Variants in SLC45A3 observed in about 807,000 individuals in gnomAD.
The protein encoded by SLC45A3 is solute carrier family 45 member 3.
Under a neutral mutation model 35.3 loss-of-function variants are expected in SLC45A3, and 17 were observed. That is an observed-to-expected ratio of 0.48 (90% CI 0.33 to 0.72). The LOEUF (loss-of-function observed/expected upper bound fraction) is 0.72, where lower values mean the gene tolerates loss of function less well. Among genes scored for constraint, SLC45A3 ranks in the 30% least tolerant of loss-of-function variants. The pLI is 0.02. For synonymous variants in SLC45A3, 288 were observed against 334.3 expected (o/e 0.86, Z 1.51); for missense variants, 597 against 731.7 (o/e 0.82, Z 2.12).
At chr1:205,679,059 C>T (rs1454240428) in intron 1 of SLC45A3, among the ~76,000 whole-genome samples, 1 of 152,136 alleles carries the variant, frequency 6.6e-6, no homozygotes, top group African/African-American at 2.4e-5. Flanking sequence ...AAAGGTAGTC[C>T]GAAGCCCCTA....
chr1:205,676,304 T>A (rs1345302318), intron 1 of SLC45A3, among the ~76,000 whole-genome samples: 1 of 152,116 alleles, frequency 6.6e-6, no homozygotes, highest in Non-Finnish European at 1.5e-5. Flanking sequence ...GGCTGGCTGC[T>A]CCTGAGGGTA....
intron 1 of SLC45A3, among the ~76,000 whole-genome samples, chr1:205,674,999 A>G (rs1018765927): frequency 1.3e-5 from 2 of 152,236 alleles, no homozygotes; most frequent in Admixed American, 6.5e-5. Flanking sequence ...TACAGGCGTG[A>G]GCCACCGCGC....
At chr1:205,676,569 T>C (rs1404230083) in intron 1 of SLC45A3, among the ~76,000 whole-genome samples, 1 of 152,180 alleles carries the variant, frequency 6.6e-6, no homozygotes, top group Non-Finnish European at 1.5e-5. Context: ...ATCTCCATTT[T>C]ACAGGCAATG....
chr1:205,665,609 C>A (rs957004018), intron 1 of SLC45A3, among the ~76,000 whole-genome samples: 1 of 152,146 alleles, frequency 6.6e-6, no homozygotes, highest in Non-Finnish European at 1.5e-5. Context: ...GGCATGAAAC[C>A]ACACCACCTG....
chr1:205,666,764 C>G lies in SLC45A3; in HGVS notation c.-230-1878G>C, dbSNP rs1341873435. 1.3e-5 allele frequency among the ~76,000 whole-genome samples: 2 copies of G among 152,248 alleles called. No homozygotes were observed. The highest frequency in any genetic ancestry group is 4.8e-5 in the African/African-American group (2 of 41,466). ...GGAAGGTGGAAGGCCAGACCTCAGT[C>G]TTAGCTGAGCTGTCATAGGTTCAAC... On this transcript the variant is annotated intron_variant, in intron 1 of 4. Transcript: ENST00000367145. This position sits in a 1 kb window ranked among gnomAD's most constrained non-coding sequence, Gnocchi z 4.1.
Position 205,659,046 on chromosome 1 carries a change from G to T in SLC45A3, c.*188C>A. The T allele has an allele frequency of 1.6e-6, 1 of 625,344 alleles. No homozygotes were observed. The highest frequency in any genetic ancestry group is 2.8e-6 in the Non-Finnish European group (1 of 363,464). The allele number at this position is 625,344 out of a possible 1,614,324, so 38.7% of individuals were successfully genotyped here. A position where few individuals can be genotyped will look rare whatever the true frequency, so the allele number is the denominator to read the frequency against. ...GGCAGCCCTAGAGACTGGGGAGAGA[G>T]GAGAGGGACGCCCCAGCCCCCAGCT... On this transcript the variant is annotated 3_prime_UTR_variant, in exon 5 of 5. Coordinates refer to ENST00000367145, the MANE Select transcript of SLC45A3 (RefSeq NM_033102.3). This position sits in a 1 kb window ranked among gnomAD's most constrained non-coding sequence, Gnocchi z 5.8.
chr1:205,679,214 C>T (rs182612085), intron 1 of SLC45A3, among the ~76,000 whole-genome samples: 45 of 152,248 alleles, frequency 3.0e-4, no homozygotes, highest in Non-Finnish European at 5.0e-4. Flanking sequence ...CCACCGGGAC[C>T]GGGTCTGTGT....
chr1:205,677,429 CT>C (rs911270091), intron 1 of SLC45A3, among the ~76,000 whole-genome samples: 8 of 152,250 alleles, frequency 5.3e-5, no homozygotes, highest in African/African-American at 1.9e-4. Flanking sequence ...TTATCAAGCT[CT>C]TTTTACAAGC....
chr1:205,678,954 A>C (rs1384682990), intron 1 of SLC45A3, among the ~76,000 whole-genome samples: 2 of 151,570 alleles, frequency 1.3e-5, no homozygotes, highest in Non-Finnish European at 2.9e-5. Context: ...TCCCACTCCC[A>C]CCCCAATAGG....
chr1:205,670,283 C>T (rs577826107), intron 1 of SLC45A3, among the ~76,000 whole-genome samples: 64 of 152,308 alleles, frequency 4.2e-4, no homozygotes, highest in Admixed American at 5.9e-4. Context: ...GGGAGGGACA[C>T]GGCATTAGAC....
chr1:205,672,159 A>T (rs1671228596), intron 1 of SLC45A3, among the ~76,000 whole-genome samples: 1 of 151,912 alleles, frequency 6.6e-6, no homozygotes, highest in African/African-American at 2.4e-5. Context: ...CCCAAACAGG[A>T]GCGGCTGTGG....
Position 205,679,613 on chromosome 1 carries a change from G to A in SLC45A3, c.-231+781C>T, listed in dbSNP as rs1452985308. On this transcript the variant is annotated intron_variant, in intron 1 of 4. Coordinates refer to ENST00000367145, the MANE Select transcript of SLC45A3 (RefSeq NM_033102.3). Reference sequence around the variant, plus strand: ...TCTGTCCTTCCCCACCTGAGACCTGGGAGGCGAGGAGAAAACAGCGGCCTT... The same window carrying A: ...TCTGTCCTTCCCCACCTGAGACCTGAGAGGCGAGGAGAAAACAGCGGCCTT... Among the ~76,000 whole-genome samples the A allele has an allele frequency of 6.6e-5, 10 of 151,776 alleles. 1 individual carries two copies. Among genetic ancestry groups the A allele is most frequent in the Non-Finnish European group, 1.3e-4 (9 of 67,976 alleles).
chr1:205,657,932 C>T lies in SLC45A3; in HGVS notation c.*1302G>A, dbSNP rs547733892. 18 of 216,496 alleles carry T rather than the reference C, an allele frequency of 8.3e-5. No homozygotes were observed. The highest frequency in any genetic ancestry group is 2.7e-4 in the African/African-American group (12 of 44,422). The allele number at this position is 216,496 out of a possible 1,614,324, so 13.4% of individuals were successfully genotyped here. ...CACTTACAGTATAAAATATTCACCC[C>T]GCTAAATAAATAAGACGACATTATT... is the stretch of plus-strand genomic sequence containing the variant. On this transcript the variant is annotated 3_prime_UTR_variant, in exon 5 of 5. Coordinates refer to ENST00000367145, the MANE Select transcript of SLC45A3 (RefSeq NM_033102.3).
At chr1:205,679,685 AACACACACACAC>A (rs55762304) in intron 1 of SLC45A3, among the ~76,000 whole-genome samples, 31 of 138,854 alleles carry the variant, frequency 2.2e-4, no homozygotes, top group African/African-American at 6.2e-4. Flanking sequence ...GGGACACAGT[AACACACACACAC>A]ACACACACAC....
rs908633559 is a variant in SLC45A3 at position 205,662,760 on chromosome 1, C to G, written c.958+73G>C. ...GGGGCCAGGATGGAGAGGCACCAGC[C>G]CAGACACAGCCCCGAGTGTCGTCTC... On this transcript the variant is annotated intron_variant, in intron 3 of 4. Transcript: ENST00000367145. The surrounding 1 kb of genome is among the most constrained non-coding windows in gnomAD (Gnocchi z 6.2). 2 of 1,512,496 alleles carry G rather than the reference C, an allele frequency of 1.3e-6. No individual in the cohort carries two copies. Among genetic ancestry groups the G allele is most frequent in the African/African-American group, 2.8e-5 (2 of 71,978 alleles). 93.7% of individuals were successfully genotyped at this position (1,512,496 alleles called of 1,614,324 possible).
chr1:205,664,727 C>T lies in SLC45A3; in HGVS notation c.-71G>A, dbSNP rs1257386828. 1.4e-5 allele frequency: 22 copies of T among 1,559,594 alleles called. No individual in the cohort carries two copies. The highest frequency in any genetic ancestry group is 1.7e-5 in the Non-Finnish European group (20 of 1,154,770). ...GAACTGCTTCGTCTCGGCTCTGCTC[C>T]AGAAGCTGCGGCCTCTCCTCCTTGC... On this transcript the variant is annotated 5_prime_UTR_variant, in exon 2 of 5. The change creates a premature stop within an existing upstream ORF in the 5' untranslated region. Transcript: ENST00000367145. This position sits in a 1 kb window ranked among gnomAD's most constrained non-coding sequence, Gnocchi z 5.3.
intron 4 of SLC45A3, among the ~76,000 whole-genome samples, chr1:205,660,453 C>A (rs148205591): frequency 6.6e-6 from 1 of 152,272 alleles, no homozygotes; most frequent in East Asian, 1.9e-4. Context: ...TGTCCCCATG[C>A]CAGAAGAGTT....
rs528458954 is a variant in SLC45A3 at position 205,662,344 on chromosome 1, A to C, written c.959-218T>G. 4.6e-5 allele frequency: 65 copies of C among 1,410,820 alleles called. No homozygotes were observed. In the East Asian group the frequency reaches 1.7e-3, roughly 36 times the overall value. The allele number at this position is 1,410,820 out of a possible 1,614,324, so 87.4% of individuals were successfully genotyped here. ...GTGGGCAACGCCCCTTGCTGAAGGC[A>C]GAGGAAGGTAGTCTGAAGGTTTCCT... On this transcript the variant is annotated intron_variant, in intron 3 of 4. Coordinates refer to ENST00000367145, the MANE Select transcript of SLC45A3 (RefSeq NM_033102.3). This position sits in a 1 kb window ranked among gnomAD's most constrained non-coding sequence, Gnocchi z 6.2.
intron 1 of SLC45A3, among the ~76,000 whole-genome samples, chr1:205,674,050 A>G (rs1013283258): frequency 2.0e-5 from 3 of 152,160 alleles, no homozygotes; most frequent in Non-Finnish European, 2.9e-5. Flanking sequence ...TCGGTGTGCA[A>G]TGAGATGGCA....
Sources: gnomAD v4.1 joint callset for allele counts (sites outside exome capture counted in the v4.1 genomes callset) on GRCh38, gnomAD v4.1.1 for gene constraint, Gnocchi (gnomAD v3.1) non-coding constraint, MANE v1.5 for transcripts, NCBI Gene and HGNC (gene_info 2026-07-23, HGNC 2026-07-21) for gene names.